The following NUP153 variants were observed in gnomAD, a reference collection of about 807,000 sequenced individuals.
The protein encoded by NUP153 is nuclear pore complex protein Nup153.
NUP153 carries 27 observed loss-of-function variants against 134.6 expected under a neutral mutation model. The ratio of observed to expected loss-of-function variants is 0.20; its 90% CI spans 0.15 to 0.28. The LOEUF (loss-of-function observed/expected upper bound fraction) is 0.28, where lower values mean the gene tolerates loss of function less well. Ranked by LOEUF, NUP153 falls within the 10% of genes least tolerant of loss-of-function variation. The pLI is 1.00. For missense variants in NUP153, 1,821 were observed against 1,731.3 expected (o/e 1.05, Z -0.92); for synonymous variants, 640 against 623.5 (o/e 1.03, Z -0.40).
At chr6:17,633,367 TACTTCACATCC>T (rs1249437287) in intron 16 of NUP153, among the ~76,000 whole-genome samples, 1 of 152,250 alleles carries the variant, frequency 6.6e-6, no homozygotes, top group Non-Finnish European at 1.5e-5. Flanking sequence ...GAAGTGCATC[TACTTCACATCC>T]ACTTCACAAT....
Position 17,628,847 on chromosome 6 carries a change from A to T in NUP153, c.3352T>A (p.Phe1118Ile). 6.2e-7 allele frequency: 1 copy of T among 1,614,150 alleles called. No homozygotes were observed. Among genetic ancestry groups the T allele is most frequent in the Non-Finnish European group, 8.5e-7 (1 of 1,180,016 alleles). ...TCTTCATTGTCAGCTTTCTTCCCAA[A>T]AACTAGGGAAGTAGAAGTGACAGGC... is the stretch of plus-strand genomic sequence containing the variant. ...QEPVTSTSLV[F>I]GKKADNEEPK... The change falls in exon 18 of 22, where the codon TTT (phenylalanine) becomes ATT (isoleucine). Residue 1118 changes from phenylalanine (F) to isoleucine (I), a missense_variant. Coordinates refer to ENST00000262077, the MANE Select transcript of NUP153 (RefSeq NM_005124.4). This position sits in a 1 kb window ranked among gnomAD's most constrained non-coding sequence, Gnocchi z 5.4.
chr6:17,659,505 G>A (rs868650208), intron 11 of NUP153, among the ~76,000 whole-genome samples: 9 of 152,076 alleles, frequency 5.9e-5, no homozygotes, highest in Admixed American at 1.3e-4. Flanking sequence ...ACAAAGTCTC[G>A]CTCTGTTGCC....
chr6:17,701,449 G>A (rs1016264666), intron 1 of NUP153, among the ~76,000 whole-genome samples: 16 of 151,872 alleles, frequency 1.1e-4, no homozygotes, highest in Non-Finnish European at 1.9e-4. Context: ...GGATCAGGAA[G>A]TCAGGAGTTC....
At chr6:17,641,606 C>T (rs1418609260) in intron 14 of NUP153, among the ~76,000 whole-genome samples, 1 of 151,606 alleles carries the variant, frequency 6.6e-6, no homozygotes, top group African/African-American at 2.4e-5. Flanking sequence ...GTAATCCCAG[C>T]ATTCTGGGAG....
intron 1 of NUP153, among the ~76,000 whole-genome samples, chr6:17,702,398 C>A (rs540900004): frequency 3.9e-4 from 59 of 152,298 alleles, no homozygotes; most frequent in African/African-American, 1.4e-3. Context: ...GTCCCAGCTA[C>A]TCGGGAGGCT....
intron 11 of NUP153, among the ~76,000 whole-genome samples, chr6:17,655,025 C>A (rs1766728063): frequency 6.6e-6 from 1 of 152,142 alleles, no homozygotes; most frequent in South Asian, 2.1e-4. Flanking sequence ...CAGGATTATA[C>A]AAGACAAGAG....
intron 14 of NUP153, among the ~76,000 whole-genome samples, chr6:17,645,725 C>A (rs1393790767): frequency 3.9e-5 from 6 of 152,124 alleles, no homozygotes; most frequent in Non-Finnish European, 1.5e-5. Context: ...AAATCTACTA[C>A]AACTATAATG....
At chr6:17,663,574 A>G (rs887450529) in intron 9 of NUP153, among the ~76,000 whole-genome samples, 2 of 152,154 alleles carry the variant, frequency 1.3e-5, no homozygotes, top group Non-Finnish European at 2.9e-5. Context: ...TATGTTCAAA[A>G]TATTTTTCAA....
intron 11 of NUP153, chr6:17,651,878 G>T: frequency 1.5e-6 from 1 of 678,906 alleles, no homozygotes; most frequent in South Asian, 1.5e-5. Flanking sequence ...ATGATCGCTT[G>T]AGCGCAGGAG....
chr6:17,646,551 C>T (rs1766195598), intron 13 of NUP153, among the ~76,000 whole-genome samples: 1 of 152,200 alleles, frequency 6.6e-6, no homozygotes, highest in South Asian at 2.1e-4. Flanking sequence ...CATACTTTCA[C>T]CTATTTTAAG....
At chr6:17,685,737 C>T (rs1220242752) in intron 2 of NUP153, among the ~76,000 whole-genome samples, 1 of 152,100 alleles carries the variant, frequency 6.6e-6, no homozygotes, top group African/African-American at 2.4e-5. Context: ...AGAGCAAATA[C>T]ATTTATGTAC....
intron 16 of NUP153, among the ~76,000 whole-genome samples, chr6:17,634,861 G>C (rs1241666134): frequency 1.3e-5 from 2 of 152,004 alleles, no homozygotes; most frequent in East Asian, 3.9e-4. Context: ...GGGGAGGCGG[G>C]GGTGGTCCAA....
chr6:17,692,827 G>C (rs1004092001), intron 1 of NUP153, among the ~76,000 whole-genome samples: 27 of 152,006 alleles, frequency 1.8e-4, no homozygotes, highest in Non-Finnish European at 1.0e-4. Flanking sequence ...TCTAATATTG[G>C]AAATCAGATA....
rs780972320 is a variant in NUP153, at chr6:17,625,793, C to T, written c.3901+15G>A. On this transcript the variant is annotated intron_variant, in intron 19 of 21. Coordinates refer to ENST00000262077, the MANE Select transcript of NUP153 (RefSeq NM_005124.4). The surrounding 1 kb of genome is among the most constrained non-coding windows in gnomAD (Gnocchi z 4.7). ...TCCATCCAATTACAATGCATTTTTT[C>T]TTTTGTAAATGTACCTGCAGAGCTA... 11 of 1,580,592 alleles carry T rather than the reference C, an allele frequency of 7.0e-6. No homozygotes were observed. The highest frequency in any genetic ancestry group is 4.5e-5 in the South Asian group (4 of 89,312).
rs114731679 is a variant in NUP153 at position 17,626,897 on chromosome 6, C to T, written c.3545-733G>A. ...ATACCTTCACCCAGCAACAAGTATGCCTTTTGTGTTCTTTTAGTTATTTGG... is the reference window on the plus strand; with the variant it reads ...ATACCTTCACCCAGCAACAAGTATGTCTTTTGTGTTCTTTTAGTTATTTGG... On this transcript the variant is annotated intron_variant, in intron 18 of 21. Transcript: ENST00000262077. Among the ~76,000 whole-genome samples, 610 of 152,190 alleles carry T rather than the reference C, an allele frequency of 4.0e-3. 3 individuals are homozygous for T. The highest frequency in any genetic ancestry group is 0.031 in the Middle Eastern group (9 of 292).
chr6:17,661,786 A>C lies in NUP153; in HGVS notation c.1269-7T>G. ...ATTTGGATATGAAAAGCCACTGGCA[A>C]ATAAAAAGAAAATTAAAACAACTGA... On this transcript the variant is annotated splice_region_variant and splice_polypyrimidine_tract_variant and intron_variant, in intron 10 of 21. Coordinates refer to ENST00000262077, the MANE Select transcript of NUP153 (RefSeq NM_005124.4). 6.2e-7 allele frequency: 1 copy of C among 1,608,666 alleles called. No homozygotes were observed. The highest frequency in any genetic ancestry group is 8.5e-7 in the Non-Finnish European group (1 of 1,178,316).
intron 8 of NUP153, among the ~76,000 whole-genome samples, chr6:17,666,746 CAT>C (rs1050739677): frequency 4.6e-5 from 7 of 152,296 alleles, no homozygotes; most frequent in African/African-American, 1.7e-4. Flanking sequence ...TAAACTGAAA[CAT>C]AGTAAAAATC....
At chr6:17,688,744 A>G (rs1016808636) in intron 1 of NUP153, 126 bp from the exon 2 acceptor site, 1 of 648,226 alleles carries the variant, frequency 1.5e-6, no homozygotes, top group African/African-American at 1.8e-5. Context: ...AAATTCAGTT[A>G]CTACAGTTAC....
chr6:17,647,753 T>C lies in NUP153; in HGVS notation c.1632+54A>G, dbSNP rs748995034. On this transcript the variant is annotated intron_variant, in intron 13 of 21. Transcript: ENST00000262077. ...AGTGGCATCTTAGATTTGATAAAAA[T>C]ATAACATGGCTTTGAAATCAGTAAA... 6.7e-5 allele frequency: 76 copies of C among 1,126,146 alleles called. 3 individuals are homozygous for C. In the Middle Eastern group the frequency reaches 6.9e-3, roughly 102 times the overall value. The allele number at this position is 1,126,146 out of a possible 1,614,324, so 69.8% of individuals were successfully genotyped here. A position where few individuals can be genotyped will look rare whatever the true frequency, so the allele number is the denominator to read the frequency against.
Sources: gnomAD v4.1 joint callset for allele counts (sites outside exome capture counted in the v4.1 genomes callset) on GRCh38, gnomAD v4.1.1 for gene constraint, Gnocchi (gnomAD v3.1) non-coding constraint, MANE v1.5 for transcripts, NCBI Gene and HGNC (gene_info 2026-07-23, HGNC 2026-07-21) for gene names.